The following DEPDC5 variants were observed in gnomAD, a reference collection of about 807,000 sequenced individuals.
The protein encoded by DEPDC5 is GATOR1 complex protein DEPDC5.
A neutral mutation model predicts 217.3 loss-of-function variants in DEPDC5; 73 were observed. The observed-to-expected ratio is 0.34, with a 90% CI of 0.28 to 0.41. The LOEUF (loss-of-function observed/expected upper bound fraction) is 0.41, where lower values mean the gene tolerates loss of function less well. DEPDC5 is among the 10% of genes least tolerant of loss of function. The probability of loss-of-function intolerance (pLI) is 1.00; values close to 1 mark genes in which losing one functional copy is unlikely to be tolerated. For missense variants in DEPDC5, 1,675 were observed against 2,070.1 expected, an observed-to-expected ratio of 0.81 and a Z score of 3.70; for synonymous variants, 733 against 756.7, an observed-to-expected ratio of 0.97 and a Z score of 0.51.
At chr22:31,865,106 G>C (rs562702495) in intron 33 of DEPDC5, among the ~76,000 whole-genome samples, 1 of 152,122 alleles carries the variant, frequency 6.6e-6, no homozygotes, top group Non-Finnish European at 1.5e-5. Context: ...GATTACAGGC[G>C]TAAGCCACCG....
At chr22:31,796,837 C>T (rs1601917520) in intron 12 of DEPDC5, among the ~76,000 whole-genome samples, 1 of 151,670 alleles carries the variant, frequency 6.6e-6, no homozygotes, top group African/African-American at 2.4e-5. Flanking sequence ...GCTGGGATTA[C>T]AGGTGCCTGC....
chr22:31,877,403 C>G (rs538475235), intron 37 of DEPDC5, among the ~76,000 whole-genome samples: 267 of 120,986 alleles, frequency 2.2e-3, no homozygotes, highest in African/African-American at 8.5e-3. Context: ...CACCACTGTA[C>G]TCTAGCCTGG....
chr22:31,887,634 G>T (rs1203051724), intron 38 of DEPDC5, among the ~76,000 whole-genome samples: 1 of 152,074 alleles, frequency 6.6e-6, no homozygotes, highest in African/African-American at 2.4e-5. Context: ...TAGTTTTCCT[G>T]TGGTTTCCAT....
chr22:31,834,644 G>A (rs1350378900), intron 25 of DEPDC5, among the ~76,000 whole-genome samples: 1 of 151,894 alleles, frequency 6.6e-6, no homozygotes, highest in African/African-American at 2.4e-5. Context: ...AGCCTCTTGA[G>A]TAGCTGGGAT....
chr22:31,846,379 T>A (rs371818307), intron 30 of DEPDC5, among the ~76,000 whole-genome samples: 25 of 152,202 alleles, frequency 1.6e-4, no homozygotes, highest in East Asian at 5.8e-4. Flanking sequence ...TCAAGTTCAG[T>A]ATTCTTCCTC....
At chr22:31,798,905 G>T (rs1348776254) in intron 14 of DEPDC5, among the ~76,000 whole-genome samples, 1 of 152,196 alleles carries the variant, frequency 6.6e-6, no homozygotes, top group Non-Finnish European at 1.5e-5. Context: ...CTTAGGTACA[G>T]TGGTTGTTTA....
chr22:31,788,859 A>G (rs531422897), intron 10 of DEPDC5, among the ~76,000 whole-genome samples: 100 of 148,218 alleles, frequency 6.7e-4, no homozygotes, highest in African/African-American at 2.2e-3. Context: ...TACAGACGTG[A>G]GCCTCCGCGA....
intron 20 of DEPDC5, among the ~76,000 whole-genome samples, chr22:31,811,538 G>A (rs2148716884): frequency 6.6e-6 from 1 of 151,334 alleles, no homozygotes; most frequent in East Asian, 2.0e-4. Context: ...GTGGTGTTTT[G>A]GTCATATGGT....
chr22:31,795,385 T>A (rs1325992834), intron 12 of DEPDC5, among the ~76,000 whole-genome samples: 1 of 151,556 alleles, frequency 6.6e-6, no homozygotes, highest in African/African-American at 2.4e-5. Context: ...GTGATTTTTT[T>A]ACATGTTTTA....
Position 31,778,028 on chromosome 22 carries a change from G to A in DEPDC5, c.414-71G>A, listed in dbSNP as rs556024651. ...TTCCCAAAGTGCTGGGATTACAGGC[G>A]TGAGCTATTGCACCAGGCATGTATT... On this transcript the variant is annotated intron_variant, in intron 7 of 42. Transcript: ENST00000651528. 1.7e-4 allele frequency: 263 copies of A among 1,539,376 alleles called. No homozygotes were observed. In the South Asian group the frequency reaches 2.1e-3, roughly 12 times the overall value.
rs1372150061 is a variant in DEPDC5 at position 31,864,530 on chromosome 22, A to ATATATATATATT, written c.3330+3100_3330+3101insATATATATTTAT. 2.5e-3 allele frequency among the ~76,000 whole-genome samples: 346 copies of ATATATATATATT among 138,948 alleles called. 4 individuals are homozygous for ATATATATATATT. Among genetic ancestry groups the ATATATATATATT allele is most frequent in the Middle Eastern group, 7.5e-3 (2 of 266 alleles). The allele number at this position is 138,948 out of a possible 152,430, so 91.2% of individuals were successfully genotyped here. On this transcript the variant is annotated intron_variant, in intron 33 of 42. Transcript: ENST00000651528. ...TATATATATATATATATATATTTAT[A>ATATATATATATT]TATTTATTTATTTACTGTGTGTATT... is the stretch of plus-strand genomic sequence containing the variant.
intron 11 of DEPDC5, 86 bp downstream of exon 11, chr22:31,792,188 CGTT>C: frequency 9.8e-7 from 1 of 1,017,424 alleles, no homozygotes; most frequent in Non-Finnish European, 1.5e-6. Context: ...TTTTTTTCCT[CGTT>C]GCACTTTTCC....
At chr22:31,815,385 C>CTTTTTTT (rs10712869) in intron 21 of DEPDC5, 173 bp downstream of exon 21, 60 of 579,692 alleles carry the variant, frequency 1.0e-4, no homozygotes, top group South Asian at 2.9e-4. Context: ...TATTATACTT[C>CTTTTTTT]TTTTTTTTTT....
Position 31,770,582 on chromosome 22 carries a change from C to T in DEPDC5, c.413+1719C>T, listed in dbSNP as rs930009926. Among the ~76,000 whole-genome samples the T allele has an allele frequency of 2.3e-4, 33 of 143,592 alleles. 1 individual carries two copies. Among genetic ancestry groups the T allele is most frequent in the South Asian group, 1.5e-3 (7 of 4,530 alleles). The allele number at this position is 143,592 out of a possible 152,430, so 94.2% of individuals were successfully genotyped here. A position where few individuals can be genotyped will look rare whatever the true frequency, so the allele number is the denominator to read the frequency against. On this transcript the variant is annotated intron_variant, in intron 7 of 42. Transcript: ENST00000651528. ...TTTTTTTTTGTATTTTTAGTAGAGA[C>T]GGAGTTTCACCATGTTGGTCAGGCT... is the stretch of plus-strand genomic sequence containing the variant.
intron 24 of DEPDC5, among the ~76,000 whole-genome samples, chr22:31,828,028 T>C (rs1410422888): frequency 6.6e-6 from 1 of 152,188 alleles, no homozygotes; most frequent in African/African-American, 2.4e-5. Context: ...CCTCCTATCC[T>C]CTCTACCTAA....
intron 21 of DEPDC5, chr22:31,815,805 A>G: frequency 2.4e-6 from 3 of 1,238,522 alleles, no homozygotes; most frequent in East Asian, 7.0e-5. Context: ...CTGAGATTAC[A>G]GGCATGAACC....
chr22:31,806,107 T>C lies in DEPDC5; in HGVS notation c.1218-15T>C. On this transcript the variant is annotated splice_polypyrimidine_tract_variant and intron_variant, in intron 17 of 42. Transcript: ENST00000651528. ...AGGGAATTTAGATTAATGACTCTGT[T>C]TGTTTCTTTTACAGTTTCTACACAT... 6.2e-7 allele frequency: 1 copy of C among 1,603,160 alleles called. No homozygotes were observed. Among genetic ancestry groups the C allele is most frequent in the Non-Finnish European group, 8.5e-7 (1 of 1,174,886 alleles).
rs1354021863 is a variant in DEPDC5, at chr22:31,857,486, G to T, written c.3197G>T (p.Ser1066Ile). 1.9e-6 allele frequency: 3 copies of T among 1,611,628 alleles called. No individual in the cohort carries two copies. Among genetic ancestry groups the T allele is most frequent in the Non-Finnish European group, 2.5e-6 (3 of 1,179,142 alleles). Residue 1066 changes from serine (S) to isoleucine (I), a missense_variant, in exon 32 of 43, where the codon AGC becomes ATC. Ser to Ile is a moderately radical substitution (Grantham distance 142). Around this residue, in one of 11 missense-constraint regions of DEPDC5, gnomAD observed 126 missense variants for 113.8 expected, o/e 1.11. Transcript: ENST00000651528. ...EQQAAVHGGK[S>I]SAQSAESSSV... ...CAGGCAGCTGTGCATGGTGGGAAGAGCTCCGCCCAGTCAGCCGAGAGCAGC... is the reference window on the plus strand; with the variant it reads ...CAGGCAGCTGTGCATGGTGGGAAGATCTCCGCCCAGTCAGCCGAGAGCAGC...
chr22:31,843,131 A>G lies in DEPDC5; in HGVS notation c.2552A>G (p.Gln851Arg), dbSNP rs1279466488. Reference protein sequence around the residue: ...VSRNRPEEEDQYWLSMGRTFH... With the variant: ...VSRNRPEEEDRYWLSMGRTFH... ...CGAAACCGCCCTGAGGAGGAGGACC[A>G]GTATTGGCTGAGTATGGGCAGAACG... The change falls in exon 28 of 43, where the codon CAG becomes CGG. Residue 851 changes from glutamine (Q) to arginine (R), a missense_variant. By Grantham distance (43) the Gln-to-Arg change is conservative. Coordinates refer to ENST00000651528, the MANE Select transcript of DEPDC5 (RefSeq NM_001242896.3). 2 of 1,614,146 alleles carry G rather than the reference A, an allele frequency of 1.2e-6. No individual in the cohort carries two copies. Among genetic ancestry groups the G allele is most frequent in the South Asian group, 2.2e-5 (2 of 91,054 alleles).
Sources: allele counts gnomAD v4.1 joint callset (sites outside exome capture counted in the v4.1 genomes callset), GRCh38; gene constraint gnomAD v4.1.1; regional missense constraint gnomAD v4.1.1; transcripts MANE v1.5; gene names NCBI Gene and HGNC (gene_info 2026-07-23, HGNC 2026-07-21).